PSMG4: variants seen among roughly 807,000 people sequenced by gnomAD.
The protein encoded by PSMG4 is proteasome (prosome, macropain) assembly chaperone 4.
Under a neutral mutation model 11.0 loss-of-function variants are expected in PSMG4, and 10 were observed. That is an observed-to-expected ratio of 0.91 (90% confidence interval 0.56 to 1.54). The LOEUF (loss-of-function observed/expected upper bound fraction) is 1.54. PSMG4 is among the 40% of genes most tolerant of loss of function. PSMG4 has a pLI of 0.00. For synonymous variants in PSMG4, 95 were observed against 71.3 expected (o/e 1.33, Z -1.68); for missense variants, 198 against 160.9 (o/e 1.23, Z -1.25).
chr6:3,267,011 A>G (rs1352618117), intron 2 of PSMG4: 8 of 150,446 alleles, frequency 5.3e-5, no homozygotes, highest in Non-Finnish European at 1.0e-4. Context: ...GCCCGCCACC[A>G]TGCCCGGCTA....
chr6:3,263,583 C>A, intron 1 of PSMG4, 101 bp from the exon 2 acceptor site: 2 of 1,026,840 alleles, frequency 1.9e-6, no homozygotes, highest in Non-Finnish European at 1.4e-6. Context: ...TCTGAACCTG[C>A]CACTGCCATC....
At chr6:3,256,392 T>G (rs1266066187), upstream of PSMG4, among the ~76,000 whole-genome samples, 1 of 152,204 alleles carries the variant, frequency 6.6e-6, no homozygotes, top group Non-Finnish European at 1.5e-5. Context: ...TATGGATGGT[T>G]CCCCACTCGA....
At chr6:3,256,634 C>T (rs902226122), upstream of PSMG4, among the ~76,000 whole-genome samples, 14 of 152,242 alleles carry the variant, frequency 9.2e-5, no homozygotes, top group African/African-American at 2.9e-4. Flanking sequence ...ATTCAGCCGC[C>T]TGACCATCCA....
chr6:3,260,282 TA>T lies in PSMG4; in HGVS notation c.174+1087del, dbSNP rs1561840867. On this transcript the variant is annotated intron_variant, in intron 1 of 2. Coordinates refer to ENST00000438998, the MANE Select transcript of PSMG4 (RefSeq NM_001128591.2). ...GTATAACCTTGTCTTAAATTGTATA[TA>T]TATATATATTTTTTTTTTTTTTTTT... is the stretch of plus-strand genomic sequence containing the variant. Among the ~76,000 whole-genome samples, 340 of 48,842 alleles carry T rather than the reference TA, an allele frequency of 7.0e-3. 8 individuals carry two copies. Among genetic ancestry groups the T allele is most frequent in the African/African-American group, 0.032 (289 of 8,922 alleles). The allele number at this position is 48,842 out of a possible 152,430, so 32.0% of individuals were successfully genotyped here. A position where few individuals can be genotyped will look rare whatever the true frequency, so the allele number is the denominator to read the frequency against.
chr6:3,264,097 G>T (rs1581555817), intron 2 of PSMG4: 3 of 1,497,346 alleles, frequency 2.0e-6, no homozygotes, highest in African/African-American at 2.8e-5. Flanking sequence ...AGCCCCTGTG[G>T]GTGGTGGCTC....
upstream of PSMG4, among the ~76,000 whole-genome samples, chr6:3,254,681 A>G (rs1757681662): frequency 6.6e-6 from 1 of 152,138 alleles, no homozygotes; most frequent in South Asian, 2.1e-4. Flanking sequence ...GAAACCACTA[A>G]ACTCAACAGA....
chr6:3,254,540 G>A (rs543061803), upstream of PSMG4, among the ~76,000 whole-genome samples: 4 of 152,224 alleles, frequency 2.6e-5, no homozygotes, highest in African/African-American at 4.8e-5. Flanking sequence ...TTATCTGGAA[G>A]GTGTGCAGAT....
chr6:3,266,104 G>T (rs985966912), intron 2 of PSMG4: 1 of 152,064 alleles, frequency 6.6e-6, no homozygotes, highest in African/African-American at 2.4e-5. Context: ...TAAAAATCAC[G>T]CAGCCTTGTA....
chr6:3,260,804 G>GT (rs1757962687), intron 1 of PSMG4, among the ~76,000 whole-genome samples: 1 of 152,200 alleles, frequency 6.6e-6, no homozygotes, highest in South Asian at 2.1e-4. Context: ...TAAGACTGAA[G>GT]TTGGATATTT....
intron 1 of PSMG4, among the ~76,000 whole-genome samples, chr6:3,262,823 T>A (rs1299372280): frequency 6.7e-6 from 1 of 148,942 alleles, no homozygotes; most frequent in Non-Finnish European, 1.5e-5. Flanking sequence ...AAGCTAGACC[T>A]TCTTACTTTA....
upstream of PSMG4, chr6:3,255,262 C>G: frequency 1.3e-6 from 2 of 1,546,148 alleles, no homozygotes; most frequent in Non-Finnish European, 1.7e-6. Context: ...TTCTGTGTTA[C>G]CACGGCTGTC....
chr6:3,260,598 C>T (rs932247613), intron 1 of PSMG4, among the ~76,000 whole-genome samples: 2 of 152,060 alleles, frequency 1.3e-5, no homozygotes, highest in African/African-American at 4.8e-5. Flanking sequence ...TAATCTTTAT[C>T]CTAAAGTGCC....
chr6:3,259,329 A>G (rs1456620187), intron 1 of PSMG4, 133 bp downstream of exon 1: 2 of 858,328 alleles, frequency 2.3e-6, no homozygotes, highest in African/African-American at 3.5e-5. Context: ...CACCCGTGGG[A>G]TGTCTTAGGA....
At chr6:3,255,379 T>A (rs1053709264), upstream of PSMG4, 8 of 1,405,172 alleles carry the variant, frequency 5.7e-6, no homozygotes, top group Non-Finnish European at 9.4e-7. Flanking sequence ...TGGATGATGT[T>A]TGTTGAGTGA....
upstream of PSMG4, among the ~76,000 whole-genome samples, chr6:3,258,648 ATAAT>A (rs1757843920): frequency 6.6e-6 from 1 of 152,066 alleles, no homozygotes; most frequent in African/African-American, 2.4e-5. Flanking sequence ...CGCGTCAGTA[ATAAT>A]TAGGGGGTGG....
chr6:3,259,299 C>T, intron 1 of PSMG4, 103 bp downstream of exon 1: 4 of 1,059,230 alleles, frequency 3.8e-6, no homozygotes, highest in Non-Finnish European at 4.8e-6. Flanking sequence ...GTCCACAGGG[C>T]GCCCTACTCC....
upstream of PSMG4, chr6:3,255,237 T>TAA (rs1757718928): frequency 6.5e-7 from 1 of 1,549,136 alleles, no homozygotes; most frequent in African/African-American, 1.4e-5. Context: ...CTGGTAAGCC[T>TAA]TCCATGCTGT....
upstream of PSMG4, chr6:3,254,936 T>C (rs1022473055): frequency 1.8e-5 from 22 of 1,190,466 alleles, no homozygotes; most frequent in Non-Finnish European, 2.4e-5. Context: ...ATTCTCTCAC[T>C]GGGTGTCAGC....
At chr6:3,254,509 T>G (rs555465904), upstream of PSMG4, among the ~76,000 whole-genome samples, 2 of 152,226 alleles carry the variant, frequency 1.3e-5, no homozygotes, top group Admixed American at 1.3e-4. Flanking sequence ...GTGTATGTGT[T>G]GGGTTTATGA....
Sources: allele counts gnomAD v4.1 joint callset (sites outside exome capture counted in the v4.1 genomes callset), GRCh38; gene constraint gnomAD v4.1.1; transcripts MANE v1.5; gene names NCBI Gene and HGNC (gene_info 2026-07-23, HGNC 2026-07-21).